The following PCDHGA7 variants were observed in gnomAD, a reference collection of about 807,000 sequenced individuals.
The protein encoded by PCDHGA7 is protocadherin gamma-A7.
Under a neutral mutation model 58.3 loss-of-function variants are expected in PCDHGA7, and 44 were observed. The ratio of observed to expected loss-of-function variants is 0.75; its 90% confidence interval spans 0.59 to 0.97. The LOEUF is 0.97. PCDHGA7 is among the 50% of genes least tolerant of loss of function. The pLI, the probability that PCDHGA7 is intolerant of heterozygous loss-of-function variation, is 0.00. For synonymous variants in PCDHGA7, 516 were observed against 504.2 expected, an observed-to-expected ratio of 1.02 and a Z score of -0.31; for missense variants, 1,266 against 1,188.7, an observed-to-expected ratio of 1.06 and a Z score of -0.96.
intron 1 of PCDHGA7, chr5:141,426,874 C>T: frequency 2.2e-6 from 1 of 456,654 alleles, no homozygotes; most frequent in Non-Finnish European, 4.4e-6. Context: ...CTGGAGAAGC[C>T]CCTGGGCCAG....
intron 1 of PCDHGA7, chr5:141,422,139 A>G (rs2096627272): frequency 6.3e-7 from 1 of 1,588,154 alleles, no homozygotes. Context: ...AAGTTCAAGT[A>G]CGGGGGTCTC....
At chr5:141,428,600 C>T (rs2097150405) in intron 1 of PCDHGA7, 1 of 223,920 alleles carries the variant, frequency 4.5e-6, no homozygotes, top group African/African-American at 2.3e-5. Flanking sequence ...GCAAGCTTCA[C>T]TGAAGAGAAT....
At chr5:141,401,533 C>CA (rs902946394) in intron 1 of PCDHGA7, among the ~76,000 whole-genome samples, 5 of 151,672 alleles carry the variant, frequency 3.3e-5, no homozygotes, top group Admixed American at 6.6e-5. Flanking sequence ...AAGAAACTTA[C>CA]AAAAAAAAGG....
In PCDHGA7 at chr5:141,490,755, C is replaced by T; in HGVS notation, c.2425-4052C>T. ...AGGTTCAGGGAGCCCCAGCCTCCTC[C>T]TTTGTGTATGTCAACCCAGAGGATG... On this transcript the variant is annotated intron_variant, in intron 1 of 3. Transcript: ENST00000518325. This position sits in a 1 kb window ranked among gnomAD's most constrained non-coding sequence, Gnocchi z 5.4. 1 of 1,614,190 alleles carries T rather than the reference C, an allele frequency of 6.2e-7. No individual in the cohort carries two copies. Among genetic ancestry groups the T allele is most frequent in the Non-Finnish European group, 8.5e-7 (1 of 1,180,026 alleles).
At chr5:141,445,427 C>G (rs964779092) in intron 1 of PCDHGA7, among the ~76,000 whole-genome samples, 4 of 152,152 alleles carry the variant, frequency 2.6e-5, no homozygotes, top group African/African-American at 9.7e-5. Flanking sequence ...ATATGCAAGG[C>G]ACTGACCTAT....
At chr5:141,401,657 G>T (rs1398256315) in intron 1 of PCDHGA7, among the ~76,000 whole-genome samples, 3 of 152,204 alleles carry the variant, frequency 2.0e-5, no homozygotes, top group Non-Finnish European at 4.4e-5. Context: ...ATGACTGGAT[G>T]TTTTCTCAAC....
intron 1 of PCDHGA7, chr5:141,400,212 C>A (rs773459521): frequency 6.2e-7 from 1 of 1,614,058 alleles, no homozygotes; most frequent in East Asian, 2.2e-5. Context: ...TGGCCTTGAT[C>A]TCAGTGCTCT....
intron 1 of PCDHGA7, chr5:141,414,552 C>G: frequency 6.2e-7 from 1 of 1,613,984 alleles, no homozygotes; most frequent in Non-Finnish European, 8.5e-7. Context: ...TCTCTCAAGT[C>G]TCCTACTTTA....
intron 1 of PCDHGA7, among the ~76,000 whole-genome samples, chr5:141,483,201 C>A (rs2099578254): frequency 6.6e-6 from 1 of 152,108 alleles, no homozygotes; most frequent in Non-Finnish European, 1.5e-5. Context: ...TTATTTTATT[C>A]CATATAGATG....
Position 141,505,475 on chromosome 5 carries a change from G to A in PCDHGA7, c.2566G>A (p.Ala856Thr), listed in dbSNP as rs769108315. The A allele has an allele frequency of 2.2e-5, 35 of 1,614,098 alleles. No homozygotes were observed. Among genetic ancestry groups the A allele is most frequent in the South Asian group, 5.5e-5 (5 of 91,090 alleles). ...GCTGCAAGCCATGATCTTGGCGTCC[G>A]CCAGTGGTAAGTGGTGTCAGTGTGT... ...EMLQAMILAS[A>T]SEAADGSSTL... The change falls in exon 3 of 4, where the codon GCC becomes ACC. Residue 856 changes from alanine to threonine, a missense_variant. Physicochemically the swap from Ala to Thr is moderately conservative, Grantham distance 58. Transcript: ENST00000518325.
chr5:141,440,481 T>C (rs1451820594), intron 1 of PCDHGA7: 1 of 152,196 alleles, frequency 6.6e-6, no homozygotes, highest in African/African-American at 2.4e-5. Context: ...GAAAATTCTT[T>C]AAATGTTTTT....
chr5:141,403,137 G>C (rs2094359580), intron 1 of PCDHGA7: 1 of 1,614,038 alleles, frequency 6.2e-7, no homozygotes, highest in Non-Finnish European at 8.5e-7. Flanking sequence ...CTGGCGGAGC[G>C]CCGAGTCCGC....
chr5:141,487,590 C>G lies in PCDHGA7; in HGVS notation c.2425-7217C>G. 1 of 1,614,160 alleles carries G rather than the reference C, an allele frequency of 6.2e-7. No homozygotes were observed. Among genetic ancestry groups the G allele is most frequent in the Non-Finnish European group, 8.5e-7 (1 of 1,180,040 alleles). ...GAGCCTGTTCGCCCAAGCTGCCCACCCTCTGATCTTCTCTATGGGCTAGAG... is the reference window on the plus strand; with the variant it reads ...GAGCCTGTTCGCCCAAGCTGCCCACGCTCTGATCTTCTCTATGGGCTAGAG... On this transcript the variant is annotated intron_variant, in intron 1 of 3. Transcript: ENST00000518325. The surrounding 1 kb of genome is among the most constrained non-coding windows in gnomAD (Gnocchi z 5.0).
intron 1 of PCDHGA7, among the ~76,000 whole-genome samples, chr5:141,435,921 C>T (rs767290430): frequency 1.3e-5 from 2 of 152,186 alleles, no homozygotes; most frequent in Admixed American, 6.5e-5. Context: ...CTCTAAAATG[C>T]GGCAGTTGCT....
intron 2 of PCDHGA7, 142 bp downstream of exon 2, chr5:141,495,007 G>C (rs2099758216): frequency 2.0e-6 from 3 of 1,522,276 alleles, no homozygotes; most frequent in Non-Finnish European, 8.8e-7. Flanking sequence ...TTGGTGTGCG[G>C]GGGGCTGGCA....
Position 141,477,653 on chromosome 5 carries a change from A to C in PCDHGA7, c.2425-17154A>C. ...GCTAGTGGGTCGCTATTTCACAATA[A>C]ATCGTGACAATGGCATAGTGTCATC... On this transcript the variant is annotated intron_variant, in intron 1 of 3. Transcript: ENST00000518325. The surrounding 1 kb of genome is among the most constrained non-coding windows in gnomAD (Gnocchi z 4.9). The C allele has an allele frequency of 1.2e-6, 2 of 1,614,204 alleles. No individual in the cohort carries two copies. Among genetic ancestry groups the C allele is most frequent in the Non-Finnish European group, 1.7e-6 (2 of 1,180,036 alleles).
intron 1 of PCDHGA7, chr5:141,423,623 C>T (rs1391650851): frequency 6.2e-7 from 1 of 1,607,330 alleles, no homozygotes; most frequent in South Asian, 1.1e-5. Context: ...GAAGACTCAG[C>T]TATCATTTTA....
At chr5:141,427,924 G>A (rs1440880400) in intron 1 of PCDHGA7, 8 of 1,580,024 alleles carry the variant, frequency 5.1e-6, no homozygotes, top group East Asian at 2.2e-5. Context: ...ATGAGCCGGC[G>A]CATGTTGGTG....
At position 141,487,543 on chromosome 5, in the gene PCDHGA7, A is replaced by G. The variant is rs2099649285; in HGVS notation, c.2425-7264A>G. On this transcript the variant is annotated intron_variant, in intron 1 of 3. Coordinates refer to ENST00000518325, the MANE Select transcript of PCDHGA7 (RefSeq NM_018920.4). This position sits in a 1 kb window ranked among gnomAD's most constrained non-coding sequence, Gnocchi z 5.0. ...GTGATAGCTTCATGATGGTGAAGTC[A>G]CCCAGTGCACCTATGGCAGGGGAGC... is the stretch of plus-strand genomic sequence containing the variant. The G allele has an allele frequency of 3.7e-6, 6 of 1,614,114 alleles. No homozygotes were observed. In the South Asian group the frequency reaches 5.5e-5, roughly 15 times the overall value.
Sources: allele counts gnomAD v4.1 joint callset (sites outside exome capture counted in the v4.1 genomes callset), GRCh38; gene constraint gnomAD v4.1.1; non-coding constraint Gnocchi (gnomAD v3.1); transcripts MANE v1.5; gene names NCBI Gene and HGNC (gene_info 2026-07-23, HGNC 2026-07-21).